Variants in USP50 observed in about 807,000 individuals in gnomAD.
USP50 encodes the protein ubiquitin carboxyl-terminal hydrolase 50.
In USP50, 37 loss-of-function variants were observed where a neutral mutation model predicts 39.2. The ratio of observed to expected loss-of-function variants is 0.94; its 90% CI spans 0.73 to 1.24. USP50 has a LOEUF of 1.24. Ranked by LOEUF, USP50 falls within the 50% of genes most tolerant of loss-of-function variation. The pLI is 0.00. For synonymous variants in USP50, 139 were observed against 144.5 expected (o/e 0.96, Z 0.27); for missense variants, 374 against 398.2 (o/e 0.94, Z 0.52).
chr15:50,520,795 G>A (rs139628609), intron 6 of USP50, among the ~76,000 whole-genome samples: 67 of 152,256 alleles, frequency 4.4e-4, no homozygotes, highest in African/African-American at 1.6e-3. Flanking sequence ...TCTCATGGAG[G>A]TAAAGAGATA....
intron 2 of USP50, 118 bp from the exon 3 acceptor site, chr15:50,543,911 C>G: frequency 3.9e-6 from 4 of 1,019,296 alleles, no homozygotes; most frequent in Non-Finnish European, 5.9e-6. Flanking sequence ...GCCTGTAACC[C>G]CAGCACTTTG....
intron 2 of USP50, 81 bp downstream of exon 2, chr15:50,544,506 G>C (rs2053056000): frequency 7.5e-6 from 10 of 1,331,156 alleles, no homozygotes; most frequent in Non-Finnish European, 1.0e-5. Flanking sequence ...TCTTAATAGG[G>C]ATTCCAGAGT....
intron 6 of USP50, among the ~76,000 whole-genome samples, chr15:50,528,222 A>G (rs1027638193): frequency 1.1e-4 from 16 of 149,630 alleles, no homozygotes; most frequent in African/African-American, 4.0e-4. Flanking sequence ...GTAAGAATTT[A>G]TAGGAGGTTT....
Position 50,514,983 on chromosome 15 carries a change from G to C in USP50, c.937-14146C>G, listed in dbSNP as rs771336373. On this transcript the variant is annotated intron_variant, in intron 6 of 6. Coordinates refer to ENST00000532404, the MANE Select transcript of USP50 (RefSeq NM_203494.5). ...ACTACTTCAGCCTGGGAAAAAGAGAGAGACACAGTCTAAAAAAAAAAAAAA... is the reference window on the plus strand; with the variant it reads ...ACTACTTCAGCCTGGGAAAAAGAGACAGACACAGTCTAAAAAAAAAAAAAA... 2.6e-3 allele frequency among the ~76,000 whole-genome samples: 290 copies of C among 113,262 alleles called. 1 individual carries two copies. The Middle Eastern group carries it at 0.091, about 36-fold the overall frequency. 74.3% of individuals were successfully genotyped at this position (113,262 alleles called of 152,430 possible).
chr15:50,517,145 A>G (rs1257485772), intron 6 of USP50, among the ~76,000 whole-genome samples: 2 of 152,230 alleles, frequency 1.3e-5, no homozygotes, highest in African/African-American at 2.4e-5. Context: ...CTCCAGGATC[A>G]TATGTTAGAG....
In USP50 at chr15:50,543,597, C is replaced by A. The variant is rs769907373; in HGVS notation, c.444+1G>T. On this transcript the variant is annotated splice_donor_variant, in intron 3 of 6. Coordinates refer to ENST00000532404, the MANE Select transcript of USP50 (RefSeq NM_203494.5). LOFTEE classifies it high-confidence loss of function. The stretch of plus-strand genomic sequence containing the variant: ...ATTTCAAGGTCATTAACTCTACTTA[C>A]CTTTTTTAGAGCTTCATGAAGTTCA... The A allele has an allele frequency of 6.2e-7, 1 of 1,611,752 alleles. No individual in the cohort carries two copies. The highest frequency in any genetic ancestry group is 1.3e-5 in the African/African-American group (1 of 75,032).
intron 6 of USP50, chr15:50,510,648 T>A (rs1436153457): frequency 1.3e-5 from 2 of 152,184 alleles, no homozygotes; most frequent in East Asian, 3.8e-4. Flanking sequence ...AGCAAAAAGT[T>A]AGATATACGT....
At chr15:50,501,307 A>C (rs1181735485) in intron 6 of USP50, 1 of 153,924 alleles carries the variant, frequency 6.5e-6, no homozygotes, top group African/African-American at 2.4e-5. Flanking sequence ...TAAAGGAAAA[A>C]AAAAAAAAAA....
intron 6 of USP50, chr15:50,504,999 AATAAACT>A (rs1380565082): frequency 6.7e-6 from 1 of 149,988 alleles, no homozygotes; most frequent in Non-Finnish European, 1.5e-5. Context: ...AAAAAAAAAG[AATAAACT>A]ATAAAATGAA....
chr15:50,498,471 A>T, downstream of USP50: 1 of 1,314,630 alleles, frequency 7.6e-7, no homozygotes, highest in Non-Finnish European at 1.0e-6. Context: ...CTCTACTACT[A>T]AAATTCCAAG....
downstream of USP50, chr15:50,493,126 G>A (rs745674340): frequency 1.6e-6 from 1 of 638,220 alleles, no homozygotes; most frequent in South Asian, 1.5e-5. Context: ...CATCCTCACA[G>A]GGTAGAAGGT....
intron 6 of USP50, among the ~76,000 whole-genome samples, chr15:50,515,186 C>T (rs1596009110): frequency 6.6e-6 from 1 of 151,728 alleles, no homozygotes; most frequent in Admixed American, 6.6e-5. Context: ...TTATTTTATA[C>T]AATCTGTGCC....
downstream of USP50, chr15:50,498,537 A>G: frequency 6.7e-7 from 1 of 1,501,590 alleles, no homozygotes; most frequent in Non-Finnish European, 8.9e-7. Context: ...ATGTTAATGA[A>G]TGAGGATTCA....
chr15:50,516,749 C>CTA (rs59705292), intron 6 of USP50, among the ~76,000 whole-genome samples: 28 of 150,018 alleles, frequency 1.9e-4, no homozygotes, highest in African/African-American at 6.1e-4. Flanking sequence ...AGAGTGGTAG[C>CTA]TATATATATA....
At chr15:50,527,642 T>C (rs1229928000) in intron 6 of USP50, among the ~76,000 whole-genome samples, 2 of 138,200 alleles carry the variant, frequency 1.4e-5, no homozygotes, top group African/African-American at 2.5e-5. Flanking sequence ...TTTTTTATTG[T>C]TGTTTTTTTT....
intron 6 of USP50, chr15:50,514,103 A>G (rs981880284): frequency 9.2e-5 from 14 of 152,380 alleles, no homozygotes; most frequent in Middle Eastern, 3.4e-3. Flanking sequence ...AAATTACAAT[A>G]TAAACAACAA....
intron 6 of USP50, among the ~76,000 whole-genome samples, chr15:50,524,752 T>C (rs1219710444): frequency 1.3e-5 from 2 of 152,196 alleles, no homozygotes; most frequent in African/African-American, 2.4e-5. Flanking sequence ...CACATGCCTG[T>C]AGTCTCAGAT....
At chr15:50,522,604 T>A (rs764005045) in intron 6 of USP50, among the ~76,000 whole-genome samples, 8 of 152,158 alleles carry the variant, frequency 5.3e-5, no homozygotes, top group South Asian at 2.1e-4. Context: ...AGAGCCCTGA[T>A]GAACATAGAT....
At chr15:50,508,182 T>C (rs1026397727) in intron 6 of USP50, 2 of 151,906 alleles carry the variant, frequency 1.3e-5, no homozygotes, top group African/African-American at 4.8e-5. Flanking sequence ...TCAATACTTT[T>C]GGAAATTAAA....
Sources: gnomAD v4.1 joint callset for allele counts (sites outside exome capture counted in the v4.1 genomes callset) on GRCh38, gnomAD v4.1.1 for gene constraint, MANE v1.5 for transcripts, NCBI Gene and HGNC (gene_info 2026-07-23, HGNC 2026-07-21) for gene names.